GDAP1: variants seen among roughly 807,000 people sequenced by gnomAD.
GDAP1 encodes ganglioside-induced differentiation-associated protein 1.
In GDAP1, 34 loss-of-function variants were observed where a neutral mutation model predicts 40.1. The observed-to-expected ratio is 0.85, with a 90% CI of 0.64 to 1.13. The LOEUF (loss-of-function observed/expected upper bound fraction) is 1.13, where lower values mean the gene tolerates loss of function less well. Ranked by LOEUF, GDAP1 falls within the 50% of genes most tolerant of loss-of-function variation. The pLI, the probability that GDAP1 is intolerant of heterozygous loss-of-function variation, is 0.00. For synonymous variants in GDAP1, 170 were observed against 157.4 expected (o/e 1.08, Z -0.60); for missense variants, 374 against 433.7 (o/e 0.86, Z 1.22).
chr8:74,350,409 G>C lies in GDAP1; in HGVS notation c.-53G>C, dbSNP rs755962230. On this transcript the variant is annotated 5_prime_UTR_variant, in exon 1 of 6. Transcript: ENST00000220822. ...AAACGCCTTGCGGGGCAGTGTGGGA[G>C]GGAGAAGTCCAGGGCGGACAGGCTG... 1 of 1,134,128 alleles carries C rather than the reference G, an allele frequency of 8.8e-7. No individual in the cohort carries two copies. The allele number at this position is 1,134,128 out of a possible 1,614,324, so 70.3% of individuals were successfully genotyped here. A position where few individuals can be genotyped will look rare whatever the true frequency, so the allele number is the denominator to read the frequency against.
At chr8:74,387,261 T>C (rs1187357735) in intron 2 of GDAP1, among the ~76,000 whole-genome samples, 3 of 152,222 alleles carry the variant, frequency 2.0e-5, no homozygotes, top group Non-Finnish European at 4.4e-5. Flanking sequence ...CTTGTGCCGG[T>C]TTTCAAAGGG....
chr8:74,415,811 T>C (rs1805770725), intron 2 of GDAP1, among the ~76,000 whole-genome samples: 2 of 149,856 alleles, frequency 1.3e-5, no homozygotes, highest in South Asian at 4.1e-4. Flanking sequence ...TGGCAGTCAC[T>C]GGTTGAGAGA....
At chr8:74,488,648 C>T (rs1407060646) in intron 2 of GDAP1, 1 of 152,008 alleles carries the variant, frequency 6.6e-6, no homozygotes, top group Non-Finnish European at 1.5e-5. Context: ...ATGCAATTAC[C>T]CAATTAATGT....
At chr8:74,419,956 A>C (rs1265342288) in intron 2 of GDAP1, among the ~76,000 whole-genome samples, 1 of 152,198 alleles carries the variant, frequency 6.6e-6, no homozygotes, top group Admixed American at 6.5e-5. Flanking sequence ...GATGACAAAA[A>C]ATTGGCCATA....
chr8:74,389,565 C>T (rs1264308338), intron 2 of GDAP1, among the ~76,000 whole-genome samples: 1 of 152,192 alleles, frequency 6.6e-6, no homozygotes, highest in Admixed American at 6.5e-5. Context: ...TGATGGACTT[C>T]CCTTTGTAGG....
At chr8:74,439,605 GTT>G (rs1460823172) in intron 2 of GDAP1, among the ~76,000 whole-genome samples, 1 of 150,000 alleles carries the variant, frequency 6.7e-6, no homozygotes, top group African/African-American at 2.5e-5. Context: ...GTTTTTTTTT[GTT>G]TGTTTGTTTT....
intron 2 of GDAP1, among the ~76,000 whole-genome samples, chr8:74,416,347 G>C (rs963627939): frequency 6.7e-6 from 1 of 150,120 alleles, no homozygotes; most frequent in Non-Finnish European, 1.5e-5. Context: ...CATGAGGCAT[G>C]CACAAATCTC....
intron 2 of GDAP1, among the ~76,000 whole-genome samples, chr8:74,386,180 G>C (rs1422460742): frequency 1.3e-5 from 2 of 152,178 alleles, no homozygotes; most frequent in Non-Finnish European, 2.9e-5. Context: ...CTGTGCAGAA[G>C]CTCTTTAGTT....
chr8:74,378,704 G>A (rs1809900272), intron 2 of GDAP1, among the ~76,000 whole-genome samples: 1 of 152,152 alleles, frequency 6.6e-6, no homozygotes, highest in South Asian at 2.1e-4. Flanking sequence ...AAAATGGGGA[G>A]GATTCAGGCA....
At position 74,366,178 on chromosome 8, in the gene GDAP1, G is replaced by A. The variant is rs763036938; in HGVS notation, c.*1811G>A. 2.2e-6 allele frequency: 1 copy of A among 453,832 alleles called. No individual in the cohort carries two copies. The highest frequency in any genetic ancestry group is 4.4e-6 in the Non-Finnish European group (1 of 226,664). 28.1% of individuals were successfully genotyped at this position (453,832 alleles called of 1,614,324 possible). ...TCTAGAATGTGTTTATAATTTCCTT[G>A]TACAGTTTCTTTGGAAATACGTTAA... On this transcript the variant is annotated 3_prime_UTR_variant, in exon 6 of 6. Coordinates refer to ENST00000220822, the MANE Select transcript of GDAP1 (RefSeq NM_018972.4).
At chr8:74,487,763 T>C (rs543575889) in intron 2 of GDAP1, among the ~76,000 whole-genome samples, 1 of 152,154 alleles carries the variant, frequency 6.6e-6, no homozygotes, top group African/African-American at 2.4e-5. Flanking sequence ...TTTAACTTAA[T>C]CTTAGGATCT....
chr8:74,356,003 T>C (rs1270493489), intron 2 of GDAP1, among the ~76,000 whole-genome samples: 1 of 152,142 alleles, frequency 6.6e-6, no homozygotes, highest in African/African-American at 2.4e-5. Flanking sequence ...AAAAGAACGT[T>C]AATTCTGATG....
chr8:74,369,481 A>T (rs1211677622), downstream of GDAP1, among the ~76,000 whole-genome samples: 1 of 152,166 alleles, frequency 6.6e-6, no homozygotes, highest in African/African-American at 2.4e-5. Flanking sequence ...AATTCATTGG[A>T]TGGGCTTCAC....
At chr8:74,352,416 G>C (rs1015234992) in intron 2 of GDAP1, among the ~76,000 whole-genome samples, 1 of 1,910 alleles carries the variant, frequency 5.2e-4, no homozygotes, top group African/African-American at 6.9e-4. Flanking sequence ...GATGTTAATA[G>C]GGTAGGTGAA....
intron 2 of GDAP1, among the ~76,000 whole-genome samples, chr8:74,391,018 C>T (rs937577306): frequency 2.6e-5 from 4 of 152,140 alleles, no homozygotes; most frequent in African/African-American, 7.2e-5. Flanking sequence ...TCAGTAATGG[C>T]GGACACCCCT....
At chr8:74,440,512 G>A (rs1479395872) in intron 2 of GDAP1, among the ~76,000 whole-genome samples, 1 of 151,574 alleles carries the variant, frequency 6.6e-6, no homozygotes, top group Non-Finnish European at 1.5e-5. Context: ...TATGTTTCTT[G>A]TGCTTGTTTA....
chr8:74,482,129 G>T lies in GDAP1; in HGVS notation c.166-6549G>T, dbSNP rs539142261. Among the ~76,000 whole-genome samples, 993 of 143,250 alleles carry T rather than the reference G, an allele frequency of 6.9e-3. 51 individuals are homozygous for T. The highest frequency in any genetic ancestry group is 0.061 in the Admixed American group (884 of 14,490). 94.0% of individuals were successfully genotyped at this position (143,250 alleles called of 152,430 possible). A position where few individuals can be genotyped will look rare whatever the true frequency, so the allele number is the denominator to read the frequency against. ...TGAAGGGTTTTTTTTTGGGGGGGGG[G>T]GGTCATCTTTCTTCCAGGATCAAGT... On this transcript the variant is annotated intron_variant, in intron 2 of 2. Coordinates refer to the GDAP1 transcript ENST00000523640.
intron 2 of GDAP1, among the ~76,000 whole-genome samples, chr8:74,448,176 G>A (rs1484688036): frequency 1.3e-5 from 2 of 152,076 alleles, no homozygotes; most frequent in Non-Finnish European, 2.9e-5. Flanking sequence ...ACCTTCCACA[G>A]GCAAGTACTA....
chr8:74,402,778 A>G (rs931279882), intron 2 of GDAP1, among the ~76,000 whole-genome samples: 1 of 150,456 alleles, frequency 6.6e-6, no homozygotes, highest in African/African-American at 2.5e-5. Context: ...ACTTTTTTGC[A>G]TATACAAAAA....
Sources: gnomAD v4.1 joint callset for allele counts (sites outside exome capture counted in the v4.1 genomes callset) on GRCh38, gnomAD v4.1.1 for gene constraint, MANE v1.5 for transcripts, NCBI Gene and HGNC (gene_info 2026-07-23, HGNC 2026-07-21) for gene names.